Variants in MAP3K21 observed in about 807,000 individuals in gnomAD.
MAP3K21 encodes mitogen-activated protein kinase kinase kinase MLK4.
MAP3K21 carries 63 observed loss-of-function variants against 86.1 expected under a neutral mutation model. That is an observed-to-expected ratio of 0.73 (90% CI 0.60 to 0.90). The LOEUF is 0.90. Among genes scored for constraint, MAP3K21 ranks in the 40% least tolerant of loss-of-function variants. The pLI is 0.00. For synonymous variants in MAP3K21, 558 were observed against 564.8 expected (o/e 0.99, Z 0.17); for missense variants, 1,220 against 1,367.7 (o/e 0.89, Z 1.70).
At chr1:233,348,704 G>A (rs1036996548) in intron 2 of MAP3K21, among the ~76,000 whole-genome samples, 81 of 152,054 alleles carry the variant, frequency 5.3e-4, no homozygotes, top group African/African-American at 1.9e-3. Context: ...GTGTAAAGTG[G>A]TATCTCATGG....
Position 233,362,105 on chromosome 1 carries a change from C to G in MAP3K21, c.1364C>G (p.Ser455Cys). The change falls in exon 5 of 10, where the codon TCT becomes TGT. Residue 455 changes from serine to cysteine, a missense_variant. By Grantham distance (112) the Ser-to-Cys change is moderately radical (BLOSUM62 -1). Transcript: ENST00000366624. ...ELTRAALQQK[S>C]QEELLKRREQ... ...ACTCGGGCGGCTCTGCAGCAGAAGT[C>G]TCAGGAGGAGCTGCTAAAGCGGCGT... The G allele has an allele frequency of 3.7e-6, 6 of 1,613,770 alleles. No homozygotes were observed. The Middle Eastern group carries it at 9.9e-4, about 267-fold the overall frequency.
chr1:233,340,326 G>A (rs1252202766), intron 1 of MAP3K21, among the ~76,000 whole-genome samples: 2 of 152,198 alleles, frequency 1.3e-5, no homozygotes, highest in African/African-American at 2.4e-5. Context: ...CCAGTAGGAA[G>A]TGTGAGTTTT....
At position 233,372,166 on chromosome 1, in the gene MAP3K21, C is replaced by A; in HGVS notation, c.1675+6C>A. 1 of 1,613,790 alleles carries A rather than the reference C, an allele frequency of 6.2e-7. No homozygotes were observed. Among genetic ancestry groups the A allele is most frequent in the South Asian group, 1.1e-5 (1 of 90,994 alleles). On this transcript the variant is annotated splice_donor_region_variant and intron_variant, in intron 6 of 9. Transcript: ENST00000366624. ...CCGACTCCGAGCCATACAGTGTGAG[C>A]TTTCTGCACTGCCACGGGGGCTCCT...
intron 1 of MAP3K21, among the ~76,000 whole-genome samples, chr1:233,345,535 G>T (rs1407885906): frequency 1.3e-5 from 2 of 148,714 alleles, no homozygotes; most frequent in African/African-American, 5.0e-5. Context: ...TGAACAATGA[G>T]AACATTTGGA....
chr1:233,372,482 C>CCATTTGTGT, intron 6 of MAP3K21: 1 of 357,852 alleles, frequency 2.8e-6, no homozygotes, highest in Non-Finnish European at 5.0e-6. Context: ...CTATCATCAG[C>CCATTTGTGT]CATTTGTGTC....
chr1:233,378,920 C>T lies in MAP3K21; in HGVS notation c.1925-11C>T, dbSNP rs1312777855. ...TGATACTACAGTGTATGTACTTATA[C>T]CTTTATTTAGGGTCCTGTGAAGAGC... is the stretch of plus-strand genomic sequence containing the variant. On this transcript the variant is annotated splice_polypyrimidine_tract_variant and intron_variant, in intron 8 of 9. Coordinates refer to ENST00000366624, the MANE Select transcript of MAP3K21 (RefSeq NM_032435.3). 6.9e-6 allele frequency: 11 copies of T among 1,588,756 alleles called. No individual in the cohort carries two copies. Among genetic ancestry groups the T allele is most frequent in the Non-Finnish European group, 9.4e-6 (11 of 1,164,466 alleles).
chr1:233,335,793 A>G (rs1662901185), intron 1 of MAP3K21, among the ~76,000 whole-genome samples: 1 of 152,236 alleles, frequency 6.6e-6, no homozygotes, highest in Non-Finnish European at 1.5e-5. Flanking sequence ...GAATATAACA[A>G]TAGACCCCAT....
At position 233,383,709 on chromosome 1, in the gene MAP3K21, T is replaced by C. The variant is rs1394961160; in HGVS notation, c.*998T>C. ...TTTGAGTGCATAATTATCCTAATAA[T>C]CCCAAAGACACTGACAACTCAAGGA... On this transcript the variant is annotated 3_prime_UTR_variant, in exon 10 of 10. Transcript: ENST00000366624. 1 of 152,164 alleles carries C rather than the reference T, an allele frequency of 6.6e-6. No individual in the cohort carries two copies. The highest frequency in any genetic ancestry group is 1.5e-5 in the Non-Finnish European group (1 of 68,022). 9.4% of individuals were successfully genotyped at this position (152,164 alleles called of 1,614,324 possible). A position where few individuals can be genotyped will look rare whatever the true frequency, so the allele number is the denominator to read the frequency against.
chr1:233,334,016 C>T (rs1019722608), intron 1 of MAP3K21, among the ~76,000 whole-genome samples: 1 of 152,162 alleles, frequency 6.6e-6, no homozygotes, highest in African/African-American at 2.4e-5. Context: ...GCGCCCGCCA[C>T]CACGCCCAGC....
chr1:233,334,055 T>TG (rs1662865923), intron 1 of MAP3K21, among the ~76,000 whole-genome samples: 1 of 151,962 alleles, frequency 6.6e-6, no homozygotes, highest in Non-Finnish European at 1.5e-5. Flanking sequence ...TTAGTAGAGA[T>TG]GGGGTTTCAC....
rs766605671 is a variant in MAP3K21, at chr1:233,376,446, G to A, written c.1843G>A (p.Asp615Asn). The A allele has an allele frequency of 5.6e-6, 9 of 1,612,474 alleles. No homozygotes were observed. The highest frequency in any genetic ancestry group is 1.1e-5 in the South Asian group (1 of 91,022). The change falls in exon 8 of 10, where the codon GAT becomes AAT. Residue 615 changes from aspartate (D) to asparagine (N), a missense_variant. Transcript: ENST00000366624. ...DCKERIRPLS[D>N]GNSPWSTILI... ...CTCTTGTAGGATAAGACCTCTCTCC[G>A]ATGGCAACAGTCCTTGGTCAACTAT...
At position 233,382,902 on chromosome 1, in the gene MAP3K21, G is replaced by T. The variant is rs2102770896; in HGVS notation, c.*191G>T. Reference sequence around the variant, plus strand: ...AGCCATGTCTATTGTTTTTCCTCTGGATTCTTTTCTTATAACTTGGAATAC... The same window carrying T: ...AGCCATGTCTATTGTTTTTCCTCTGTATTCTTTTCTTATAACTTGGAATAC... On this transcript the variant is annotated 3_prime_UTR_variant, in exon 10 of 10. Transcript: ENST00000366624. 1.9e-6 allele frequency: 1 copy of T among 540,304 alleles called. No individual in the cohort carries two copies. The highest frequency in any genetic ancestry group is 1.9e-5 in the African/African-American group (1 of 53,002). 33.5% of individuals were successfully genotyped at this position (540,304 alleles called of 1,614,324 possible). A position where few individuals can be genotyped will look rare whatever the true frequency, so the allele number is the denominator to read the frequency against.
chr1:233,361,507 C>A (rs910203356), intron 4 of MAP3K21, among the ~76,000 whole-genome samples: 1 of 152,208 alleles, frequency 6.6e-6, no homozygotes, highest in African/African-American at 2.4e-5. Context: ...CTCCCTTACT[C>A]TCTCCACCAA....
intron 4 of MAP3K21, among the ~76,000 whole-genome samples, chr1:233,358,363 G>C (rs1663402971): frequency 6.6e-6 from 1 of 151,852 alleles, no homozygotes; most frequent in African/African-American, 2.4e-5. Flanking sequence ...GAATAGGTTT[G>C]ACATCCTGCA....
intron 6 of MAP3K21, 68 bp from the exon 7 acceptor site, chr1:233,375,846 CTT>C: frequency 2.3e-6 from 3 of 1,282,378 alleles, no homozygotes; most frequent in Non-Finnish European, 3.3e-6. Context: ...ATTCATTTAG[CTT>C]TTTTAACAAA....
intron 1 of MAP3K21, among the ~76,000 whole-genome samples, chr1:233,334,131 C>T (rs1362675171): frequency 2.0e-5 from 3 of 149,526 alleles, no homozygotes; most frequent in Non-Finnish European, 3.0e-5. Flanking sequence ...GCCCAAAGTA[C>T]TGGGATTACA....
chr1:233,374,896 T>C (rs1038594891), intron 6 of MAP3K21, among the ~76,000 whole-genome samples: 1 of 150,960 alleles, frequency 6.6e-6, no homozygotes, highest in African/African-American at 2.4e-5. Context: ...CAGATATTTT[T>C]CCCCTAAGTG....
intron 1 of MAP3K21, among the ~76,000 whole-genome samples, chr1:233,329,561 T>G (rs950175676): frequency 2.0e-5 from 3 of 151,448 alleles, no homozygotes; most frequent in Non-Finnish European, 4.4e-5. Flanking sequence ...GGCGGAGGCA[T>G]GAGAATCACT....
intron 4 of MAP3K21, among the ~76,000 whole-genome samples, chr1:233,356,514 G>T (rs1364748677): frequency 1.3e-5 from 2 of 152,004 alleles, no homozygotes; most frequent in Non-Finnish European, 2.9e-5. Flanking sequence ...GAATTTTATA[G>T]TATATACATA....
Sources: gnomAD v4.1 joint callset for allele counts (sites outside exome capture counted in the v4.1 genomes callset) on GRCh38, gnomAD v4.1.1 for gene constraint, MANE v1.5 for transcripts, NCBI Gene and HGNC (gene_info 2026-07-23, HGNC 2026-07-21) for gene names.